The following RALA variants were observed in gnomAD, a reference collection of about 807,000 sequenced individuals.
The protein encoded by RALA is ras-related protein Ral-A.
RALA carries 5 observed loss-of-function variants against 24.0 expected under a neutral mutation model. The observed-to-expected ratio is 0.21, with a 90% CI of 0.11 to 0.44. The LOEUF (loss-of-function observed/expected upper bound fraction) is 0.44, where lower values mean the gene tolerates loss of function less well. RALA is among the 20% of genes least tolerant of loss of function. RALA has a pLI of 0.99. For missense variants in RALA, 95 were observed against 241.2 expected, an observed-to-expected ratio of 0.39 and a Z score of 4.01; for synonymous variants, 77 against 83.8, an observed-to-expected ratio of 0.92 and a Z score of 0.44.
intron 1 of RALA, among the ~76,000 whole-genome samples, chr7:39,630,342 G>A (rs1436763213): frequency 2.0e-5 from 3 of 150,162 alleles, no homozygotes; most frequent in South Asian, 2.1e-4. Flanking sequence ...ATGAGCTATC[G>A]TGCCCGACCA....
intron 1 of RALA, among the ~76,000 whole-genome samples, chr7:39,664,425 A>G (rs906344021): frequency 2.6e-5 from 4 of 152,168 alleles, no homozygotes; most frequent in Non-Finnish European, 5.9e-5. Context: ...TTCTTTTGAT[A>G]TTGGATAATG....
intron 3 of RALA, 71 bp downstream of exon 3, chr7:39,690,661 A>G: frequency 8.2e-7 from 1 of 1,224,394 alleles, no homozygotes; most frequent in Non-Finnish European, 1.1e-6. Flanking sequence ...ACAAGTAGAC[A>G]ACTAGAGGTT....
chr7:39,684,913 G>A (rs998953480), intron 1 of RALA, among the ~76,000 whole-genome samples: 6 of 152,022 alleles, frequency 3.9e-5, no homozygotes, highest in Admixed American at 6.6e-5. Context: ...ACTAAATGGC[G>A]GATTTTGCCA....
At chr7:39,634,895 G>T (rs1194693189) in intron 1 of RALA, among the ~76,000 whole-genome samples, 1 of 152,068 alleles carries the variant, frequency 6.6e-6, no homozygotes, top group Non-Finnish European at 1.5e-5. Context: ...GGTTACAACT[G>T]CTTGTCTTTT....
intron 3 of RALA, among the ~76,000 whole-genome samples, chr7:39,691,867 T>C (rs1792823707): frequency 6.6e-6 from 1 of 152,210 alleles, no homozygotes; most frequent in Non-Finnish European, 1.5e-5. Flanking sequence ...CAGCAGATAT[T>C]TGAGTGCTTA....
At chr7:39,672,682 A>G (rs886730940) in intron 1 of RALA, among the ~76,000 whole-genome samples, 4 of 151,170 alleles carry the variant, frequency 2.6e-5, no homozygotes, top group Non-Finnish European at 5.9e-5. Context: ...GCACTGATAC[A>G]TGCAACAATA....
chr7:39,669,519 T>C (rs1792343641), intron 1 of RALA, among the ~76,000 whole-genome samples: 1 of 152,080 alleles, frequency 6.6e-6, no homozygotes, highest in East Asian at 1.9e-4. Flanking sequence ...TTTTAAAATA[T>C]TTCATTTGTG....
chr7:39,645,024 T>C (rs1276616319), intron 1 of RALA, among the ~76,000 whole-genome samples: 1 of 152,210 alleles, frequency 6.6e-6, no homozygotes, highest in Admixed American at 6.5e-5. Context: ...TTCCTCTTTC[T>C]TTACAGTGAT....
chr7:39,635,351 G>A (rs1791670082), intron 1 of RALA, among the ~76,000 whole-genome samples: 1 of 152,106 alleles, frequency 6.6e-6, no homozygotes, highest in Non-Finnish European at 1.5e-5. Flanking sequence ...CTCCAGCCTG[G>A]GCAACAGAGC....
chr7:39,636,131 A>G (rs1791681011), intron 1 of RALA, among the ~76,000 whole-genome samples: 1 of 152,188 alleles, frequency 6.6e-6, no homozygotes, highest in Non-Finnish European at 1.5e-5. Flanking sequence ...GGGTGTTTCT[A>G]CTTTGGGGCT....
At chr7:39,636,632 T>TA (rs1284200686) in intron 1 of RALA, among the ~76,000 whole-genome samples, 1 of 152,214 alleles carries the variant, frequency 6.6e-6, no homozygotes, top group Non-Finnish European at 1.5e-5. Context: ...ATTTCTGTTT[T>TA]ACGTTTGTGT....
chr7:39,630,684 G>T (rs996851085), intron 1 of RALA, among the ~76,000 whole-genome samples: 1 of 152,034 alleles, frequency 6.6e-6, no homozygotes, highest in Admixed American at 6.5e-5. Context: ...TTATTTCTAT[G>T]TATGATATAA....
At chr7:39,646,965 A>G (rs1322993595) in intron 1 of RALA, among the ~76,000 whole-genome samples, 2 of 152,238 alleles carry the variant, frequency 1.3e-5, no homozygotes, top group Admixed American at 6.5e-5. Context: ...TTAATAGTAT[A>G]TAAATGTTGT....
intron 1 of RALA, among the ~76,000 whole-genome samples, chr7:39,673,866 A>G (rs1462148449): frequency 6.6e-6 from 1 of 152,028 alleles, no homozygotes; most frequent in Non-Finnish European, 1.5e-5. Flanking sequence ...AGGGTTGGCC[A>G]GACCTAGTGG....
chr7:39,689,606 A>G (rs932164859), intron 2 of RALA, among the ~76,000 whole-genome samples: 1 of 152,228 alleles, frequency 6.6e-6, no homozygotes, highest in African/African-American at 2.4e-5. Flanking sequence ...GTGTAAATGA[A>G]TACATGCTAA....
intron 1 of RALA, among the ~76,000 whole-genome samples, chr7:39,661,924 A>G (rs1792198910): frequency 6.6e-6 from 1 of 152,074 alleles, no homozygotes; most frequent in Non-Finnish European, 1.5e-5. Flanking sequence ...AGGCGTTTCT[A>G]TACATCCTCT....
intron 1 of RALA, among the ~76,000 whole-genome samples, chr7:39,629,587 G>C (rs1472227099): frequency 6.7e-6 from 1 of 149,322 alleles, no homozygotes; most frequent in Non-Finnish European, 1.5e-5. Flanking sequence ...GCACGTTTTT[G>C]TATGTGTGTA....
intron 1 of RALA, among the ~76,000 whole-genome samples, chr7:39,627,263 G>A (rs1791508255): frequency 6.6e-6 from 1 of 152,088 alleles, no homozygotes; most frequent in African/African-American, 2.4e-5. Context: ...ATATGTATGA[G>A]TAAATTTTAG....
chr7:39,658,565 T>G (rs950885378), intron 1 of RALA, among the ~76,000 whole-genome samples: 1 of 152,126 alleles, frequency 6.6e-6, no homozygotes, highest in Non-Finnish European at 1.5e-5. Context: ...GAACTACAGT[T>G]ACCTAGGCAG....
Sources: allele counts gnomAD v4.1 joint callset (sites outside exome capture counted in the v4.1 genomes callset), GRCh38; gene constraint gnomAD v4.1.1; transcripts MANE v1.5; gene names NCBI Gene and HGNC (gene_info 2026-07-23, HGNC 2026-07-21).